CAMTA1: variants seen among roughly 807,000 people sequenced by gnomAD.
CAMTA1 encodes the protein calmodulin-binding transcription activator 1.
CAMTA1 carries 27 observed loss-of-function variants against 170.9 expected under a neutral mutation model. The ratio of observed to expected loss-of-function variants is 0.16; its 90% CI spans 0.12 to 0.22. The LOEUF (loss-of-function observed/expected upper bound fraction) is 0.22, where lower values mean the gene tolerates loss of function less well. CAMTA1 is among the 10% of genes least tolerant of loss of function. The pLI is 1.00. For missense variants in CAMTA1, 1,619 were observed against 2,217.2 expected (o/e 0.73, Z 5.42); for synonymous variants, 833 against 891.5 (o/e 0.93, Z 1.17).
intron 16 of CAMTA1, among the ~76,000 whole-genome samples, chr1:7,743,019 TG>T: frequency 6.6e-6 from 1 of 152,214 alleles, no homozygotes; most frequent in Non-Finnish European, 1.5e-5. Context: ...TGGCTAATTT[TG>T]GGGGTTTTTT....
chr1:7,679,682 G>A (rs145686797), intron 11 of CAMTA1, among the ~76,000 whole-genome samples: 17 of 152,334 alleles, frequency 1.1e-4, no homozygotes, highest in African/African-American at 4.1e-4. Context: ...TTGGGGCGGC[G>A]ATGACATCAA....
intron 5 of CAMTA1, among the ~76,000 whole-genome samples, chr1:7,344,186 G>A (rs1383250005): frequency 6.6e-6 from 1 of 152,234 alleles, no homozygotes; most frequent in East Asian, 1.9e-4. Context: ...GACCCTTGGA[G>A]CCGGCCTGAA....
rs576600759 is a variant in CAMTA1, at chr1:7,403,752, G to A, written c.439-64078G>A. On this transcript the variant is annotated intron_variant, in intron 5 of 22. Transcript: ENST00000303635. ...ATCTAGAACCTGGTTGATCTGGCAT[G>A]GGAAGAAGTTGTTGAGTGATAACAG... Among the ~76,000 whole-genome samples the A allele has an allele frequency of 2.0e-5, 3 of 152,298 alleles. No homozygotes were observed. The South Asian group carries it at 6.2e-4, about 32-fold the overall frequency.
rs567539670 is a variant in CAMTA1 at position 7,550,014 on chromosome 1, A to G, written c.510+82113A>G. On this transcript the variant is annotated intron_variant, in intron 6 of 22. Transcript: ENST00000303635. ...CAAAGGAATCTGAAAGAGGGAAGGA[A>G]GGAGGAGGAGGGTGTGCAAAGGAGG... 9.9e-5 allele frequency among the ~76,000 whole-genome samples: 15 copies of G among 152,156 alleles called. 1 individual carries two copies. In the South Asian group the frequency reaches 1.2e-3, roughly 13 times the overall value.
intron 4 of CAMTA1, among the ~76,000 whole-genome samples, chr1:7,120,100 T>A (rs1223166097): frequency 6.6e-6 from 1 of 152,196 alleles, no homozygotes; most frequent in Non-Finnish European, 1.5e-5. Flanking sequence ...AATGGAGGAA[T>A]GAGGACCAGA....
At position 7,766,890 on chromosome 1, in the gene CAMTA1, A is replaced by G. The variant is rs534437826; in HGVS notation, c.*399A>G. On this transcript the variant is annotated 3_prime_UTR_variant, in exon 23 of 23. Coordinates refer to ENST00000303635, the MANE Select transcript of CAMTA1 (RefSeq NM_015215.4). ...AATATTTATACCAAAAATATAGATAAGAAAAGGTGGGGCTATACTAGCAAC... is the reference window on the plus strand; with the variant it reads ...AATATTTATACCAAAAATATAGATAGGAAAAGGTGGGGCTATACTAGCAAC... The G allele has an allele frequency of 6.0e-6, 1 of 165,952 alleles. No homozygotes were observed. The highest frequency in any genetic ancestry group is 1.9e-4 in the South Asian group (1 of 5,194). 10.3% of individuals were successfully genotyped at this position (165,952 alleles called of 1,614,324 possible).
At chr1:7,708,609 G>A (rs988868611) in intron 11 of CAMTA1, among the ~76,000 whole-genome samples, 10 of 152,248 alleles carry the variant, frequency 6.6e-5, no homozygotes, top group East Asian at 1.9e-4. Flanking sequence ...ATAAAGTATC[G>A]TGATCCCTGT....
In CAMTA1 at chr1:7,744,837, G is replaced by A. The variant is rs148381447; in HGVS notation, c.4185G>A (p.Val1395=). ...ECGQPMDDIQ[V]NMMTLAEHII... ...GTTCTGTGAACTTCTGACTTCAGGT[G>A]AACATGATGACCTTGGCAGAACACA... is the stretch of plus-strand genomic sequence containing the variant. Residue 1395 remains valine (V), a splice_region_variant and synonymous_variant, in exon 17 of 23, where the codon GTG becomes GTA. Coordinates refer to ENST00000303635, the MANE Select transcript of CAMTA1 (RefSeq NM_015215.4). 186 of 1,611,880 alleles carry A rather than the reference G, an allele frequency of 1.2e-4. 1 individual carries two copies. The African/African-American group carries it at 2.2e-3, about 19-fold the overall frequency.
At position 7,398,193 on chromosome 1, in the gene CAMTA1, CTATATATATATATATATA is replaced by C. The variant is rs3034829; in HGVS notation, c.439-69609_439-69592del. Among the ~76,000 whole-genome samples the C allele has an allele frequency of 5.9e-3, 99 of 16,888 alleles. 3 individuals are homozygous for C. The highest frequency in any genetic ancestry group is 0.013 in the South Asian group (4 of 312). 11.1% of individuals were successfully genotyped at this position (16,888 alleles called of 152,430 possible). A position where few individuals can be genotyped will look rare whatever the true frequency, so the allele number is the denominator to read the frequency against. ...TCTCTCTCTCTCTCTCTCTCTCTCTCTATATATATATATATATATATATATATATATATATATATATAT... is the reference window on the plus strand; with the variant it reads ...TCTCTCTCTCTCTCTCTCTCTCTCTCTATATATATATATATATATATATAT... On this transcript the variant is annotated intron_variant, in intron 5 of 22. Transcript: ENST00000303635.
At chr1:6,938,987 C>T (rs1685944836) in intron 3 of CAMTA1, among the ~76,000 whole-genome samples, 1 of 152,218 alleles carries the variant, frequency 6.6e-6, no homozygotes, top group Non-Finnish European at 1.5e-5. Flanking sequence ...CAGCTTTTAG[C>T]AGATATTTGT....
intron 6 of CAMTA1, among the ~76,000 whole-genome samples, chr1:7,542,872 T>TG (rs1557887324): frequency 6.8e-6 from 1 of 146,150 alleles, no homozygotes; most frequent in Non-Finnish European, 1.5e-5. Context: ...TGTGTGTGTG[T>TG]GTGTGTGTTT....
chr1:7,111,011 A>G (rs569531194), intron 4 of CAMTA1, among the ~76,000 whole-genome samples: 1 of 152,340 alleles, frequency 6.6e-6, no homozygotes, highest in South Asian at 2.1e-4. Context: ...AAGCTCTGGG[A>G]GGAGAATCCA....
intron 1 of CAMTA1, among the ~76,000 whole-genome samples, chr1:6,819,341 G>C (rs564987384): frequency 6.6e-6 from 1 of 152,044 alleles, no homozygotes; most frequent in Middle Eastern, 3.4e-3. Flanking sequence ...TAGGTTTTAG[G>C]TGAAATCTTT....
chr1:7,012,933 G>C (rs1265789327), intron 3 of CAMTA1, among the ~76,000 whole-genome samples: 2 of 152,130 alleles, frequency 1.3e-5, no homozygotes, highest in Non-Finnish European at 2.9e-5. Context: ...TATAGAACCT[G>C]AGTGTCTGTA....
rs17445205 is a variant in CAMTA1, at chr1:7,463,720, G to C, written c.439-4110G>C. Among the ~76,000 whole-genome samples the C allele has an allele frequency of 2.6e-5, 4 of 152,126 alleles. No individual in the cohort carries two copies. Among genetic ancestry groups the C allele is most frequent in the South Asian group, 2.1e-4 (1 of 4,830 alleles). ...GAAATCTGCTGCGTCAGATGAGGCC[G>C]TAGAGAGCTGGCCGGGAAGGGAGGT... On this transcript the variant is annotated intron_variant, in intron 5 of 22. Coordinates refer to ENST00000303635, the MANE Select transcript of CAMTA1 (RefSeq NM_015215.4). The surrounding 1 kb of genome is among the most constrained non-coding windows in gnomAD (Gnocchi z 4.7).
chr1:7,204,289 G>GT (rs370506294), intron 4 of CAMTA1, among the ~76,000 whole-genome samples: 5 of 152,060 alleles, frequency 3.3e-5, no homozygotes, highest in African/African-American at 1.2e-4. Flanking sequence ...TTCTTTCTTA[G>GT]TTTTTTCTGA....
chr1:7,649,798 G>A (rs1421755005), intron 7 of CAMTA1, among the ~76,000 whole-genome samples: 1 of 152,200 alleles, frequency 6.6e-6, no homozygotes, highest in African/African-American at 2.4e-5. Context: ...CCCTGTGCTG[G>A]TGTTGGGGAT....
intron 3 of CAMTA1, among the ~76,000 whole-genome samples, chr1:7,039,771 G>C (rs1450592552): frequency 6.6e-6 from 1 of 152,172 alleles, no homozygotes; most frequent in Non-Finnish European, 1.5e-5. Flanking sequence ...TCTGTGGGCT[G>C]TGGAGTGTGG....
intron 3 of CAMTA1, among the ~76,000 whole-genome samples, chr1:6,946,681 G>T (rs146266471): frequency 2.0e-5 from 3 of 152,146 alleles, no homozygotes; most frequent in Non-Finnish European, 4.4e-5. Context: ...TTATCATTGT[G>T]TTGTGAGAGT....
Sources: gnomAD v4.1 joint callset for allele counts (sites outside exome capture counted in the v4.1 genomes callset) on GRCh38, gnomAD v4.1.1 for gene constraint, Gnocchi (gnomAD v3.1) non-coding constraint, MANE v1.5 for transcripts, NCBI Gene and HGNC (gene_info 2026-07-23, HGNC 2026-07-21) for gene names.